Variants in MAML3 observed in about 807,000 individuals in gnomAD.
The protein encoded by MAML3 is mastermind-like protein 3.
Under a neutral mutation model 101.9 loss-of-function variants are expected in MAML3, and 27 were observed. That is an observed-to-expected ratio of 0.27 (90% CI 0.20 to 0.37). MAML3 has a LOEUF of 0.37. Among genes scored for constraint, MAML3 ranks in the 10% least tolerant of loss-of-function variants. MAML3 has a pLI of 1.00. For synonymous variants in MAML3, 501 were observed against 555.9 expected (o/e 0.90, Z 1.39); for missense variants, 1,316 against 1,444.9 (o/e 0.91, Z 1.45).
intron 1 of MAML3, among the ~76,000 whole-genome samples, chr4:140,069,305 C>T (rs2110949591): frequency 6.7e-6 from 1 of 148,644 alleles, no homozygotes; most frequent in African/African-American, 2.5e-5. Context: ...CAGGGTGACA[C>T]AGCAAGACTC....
chr4:140,038,216 AC>A (rs138197989), intron 1 of MAML3, among the ~76,000 whole-genome samples: 27,372 of 152,032 alleles, frequency 0.18, 2,944 homozygotes, highest in Non-Finnish European at 0.23. Context: ...AAACCACAGA[AC>A]CACAGAACTT....
intron 1 of MAML3, among the ~76,000 whole-genome samples, chr4:140,099,649 A>G (rs1290100865): frequency 6.6e-6 from 1 of 152,244 alleles, no homozygotes; most frequent in Non-Finnish European, 1.5e-5. Context: ...AGCCTCAGTT[A>G]CTGCATATGA....
chr4:140,076,408 T>C (rs1578672763), intron 1 of MAML3, among the ~76,000 whole-genome samples: 1 of 152,126 alleles, frequency 6.6e-6, no homozygotes, highest in Admixed American at 6.5e-5. Context: ...TCCTGGCTGG[T>C]GGAGATCTCA....
intron 1 of MAML3, among the ~76,000 whole-genome samples, chr4:140,069,933 T>C (rs1366341655): frequency 1.3e-5 from 2 of 151,734 alleles, no homozygotes; most frequent in African/African-American, 4.8e-5. Flanking sequence ...CTGACCAAAA[T>C]GGTGAAACCC....
intron 1 of MAML3, among the ~76,000 whole-genome samples, chr4:139,964,641 C>T (rs1430112712): frequency 6.6e-6 from 1 of 152,104 alleles, no homozygotes; most frequent in African/African-American, 2.4e-5. Context: ...ATGTCTAGTT[C>T]TCCACCAGGT....
intron 1 of MAML3, among the ~76,000 whole-genome samples, chr4:139,992,837 G>A (rs1199662756): frequency 2.0e-5 from 3 of 152,144 alleles, no homozygotes; most frequent in Admixed American, 6.5e-5. Flanking sequence ...GATTACAGGC[G>A]TGAGCCACCG....
chr4:140,131,474 T>C (rs1360663925), intron 1 of MAML3, among the ~76,000 whole-genome samples: 1 of 152,166 alleles, frequency 6.6e-6, no homozygotes, highest in Non-Finnish European at 1.5e-5. Flanking sequence ...CCTTGGAATT[T>C]GTGCAGAACC....
chr4:139,986,592 T>C (rs1734543912), intron 1 of MAML3, among the ~76,000 whole-genome samples: 1 of 151,562 alleles, frequency 6.6e-6, no homozygotes, highest in African/African-American at 2.4e-5. Flanking sequence ...ATATTCCTAA[T>C]ATAACCACTA....
intron 2 of MAML3, among the ~76,000 whole-genome samples, chr4:139,747,687 C>A (rs1023572552): frequency 6.9e-5 from 10 of 144,324 alleles, no homozygotes; most frequent in African/African-American, 2.6e-4. Context: ...GAGCAAGACT[C>A]CCTCTCAGAA....
At position 139,828,975 on chromosome 4, in the gene MAML3, GAGGAAGGAAGGA is replaced by G. The variant is rs548032946; in HGVS notation, c.2079+60370_2079+60381del. ...GTGACAGAGTAAGACCCTGTTGAAA[GAGGAAGGAAGGA>G]AGGAAGGAAGGAAGGAAGGAAGGAA... On this transcript the variant is annotated intron_variant, in intron 2 of 4. Transcript: ENST00000509479. 3.1e-3 allele frequency among the ~76,000 whole-genome samples: 419 copies of G among 135,202 alleles called. 1 individual carries two copies. The highest frequency in any genetic ancestry group is 0.01 in the African/African-American group (354 of 34,810). 88.7% of individuals were successfully genotyped at this position (135,202 alleles called of 152,430 possible).
At position 139,906,801 on chromosome 4, in the gene MAML3, A is replaced by G. The variant is rs1236906737; in HGVS notation, c.469-15834T>C. Among the ~76,000 whole-genome samples the G allele has an allele frequency of 4.6e-5, 7 of 152,264 alleles. No individual in the cohort carries two copies. The East Asian group carries it at 1.3e-3, about 29-fold the overall frequency. ...TGCATAATATTTTCTGTAACTACCT[A>G]CTTTTGCATGGTTATAGCTCTCTAA... On this transcript the variant is annotated intron_variant, in intron 1 of 4. Coordinates refer to ENST00000509479, the MANE Select transcript of MAML3 (RefSeq NM_018717.5).
intron 1 of MAML3, among the ~76,000 whole-genome samples, chr4:140,069,427 A>G (rs1392401016): frequency 3.0e-4 from 8 of 26,908 alleles, no homozygotes; most frequent in Non-Finnish European, 4.8e-4. Context: ...GAGGGGAAGG[A>G]GGAGAAGGAG....
At chr4:139,904,850 C>CTA (rs1432116357) in intron 1 of MAML3, among the ~76,000 whole-genome samples, 1 of 152,222 alleles carries the variant, frequency 6.6e-6, no homozygotes, top group Non-Finnish European at 1.5e-5. Context: ...GTACTGAATA[C>CTA]TATAGGCAAC....
chr4:140,151,259 G>C (rs1477930985), intron 1 of MAML3, among the ~76,000 whole-genome samples: 1 of 152,066 alleles, frequency 6.6e-6, no homozygotes, highest in Non-Finnish European at 1.5e-5. Flanking sequence ...CTGCCGGCGG[G>C]ACTGGGCAGG....
chr4:140,124,820 C>G (rs893648815), intron 1 of MAML3, among the ~76,000 whole-genome samples: 1 of 152,164 alleles, frequency 6.6e-6, no homozygotes, highest in Non-Finnish European at 1.5e-5. Flanking sequence ...GGTGGCAGAG[C>G]CATGAGCAAC....
intron 2 of MAML3, among the ~76,000 whole-genome samples, chr4:139,781,525 A>G (rs1400485054): frequency 1.4e-5 from 2 of 138,648 alleles, no homozygotes; most frequent in Non-Finnish European, 3.2e-5. Flanking sequence ...ATATATATAT[A>G]TATATAGTCT....
chr4:139,762,245 C>T (rs912884054), intron 2 of MAML3, among the ~76,000 whole-genome samples: 3 of 152,152 alleles, frequency 2.0e-5, no homozygotes, highest in Admixed American at 6.6e-5. Context: ...TCTAGCCCAG[C>T]GCCTGGGACA....
intron 1 of MAML3, among the ~76,000 whole-genome samples, chr4:140,043,913 G>C (rs1027411352): frequency 3.3e-5 from 5 of 152,086 alleles, no homozygotes; most frequent in Admixed American, 3.3e-4. Flanking sequence ...GTTAATACCA[G>C]GAAAAGTAAG....
At chr4:139,866,591 G>T (rs1231848368) in intron 2 of MAML3, among the ~76,000 whole-genome samples, 1 of 152,188 alleles carries the variant, frequency 6.6e-6, no homozygotes, top group African/African-American at 2.4e-5. Flanking sequence ...GAATCTATTT[G>T]CGGCAGTAAC....
Sources: gnomAD v4.1 joint callset for allele counts (sites outside exome capture counted in the v4.1 genomes callset) on GRCh38, gnomAD v4.1.1 for gene constraint, MANE v1.5 for transcripts, NCBI Gene and HGNC (gene_info 2026-07-23, HGNC 2026-07-21) for gene names.